APBB2: variants seen among roughly 807,000 people sequenced by gnomAD.
The protein encoded by APBB2 is Fe65-like 1.
A neutral mutation model predicts 82.5 loss-of-function variants in APBB2; 38 were observed. The ratio of observed to expected loss-of-function variants is 0.46; its 90% CI spans 0.36 to 0.60. The LOEUF (loss-of-function observed/expected upper bound fraction) is 0.60. Among genes scored for constraint, APBB2 ranks in the 20% least tolerant of loss-of-function variants. The pLI, the probability that APBB2 is intolerant of heterozygous loss-of-function variation, is 0.00. For missense variants in APBB2, 772 were observed against 972.3 expected (o/e 0.79, Z 2.74); for synonymous variants, 341 against 368.2 (o/e 0.93, Z 0.85).
chr4:41,156,808 G>C (rs1474962854), intron 1 of APBB2, among the ~76,000 whole-genome samples: 6 of 152,128 alleles, frequency 3.9e-5, no homozygotes, highest in African/African-American at 1.4e-4. Context: ...GCTCACGCCT[G>C]TAATCTCAGC....
At chr4:41,061,106 G>A (rs1390792053) in intron 4 of APBB2, among the ~76,000 whole-genome samples, 3 of 152,200 alleles carry the variant, frequency 2.0e-5, no homozygotes, top group Non-Finnish European at 4.4e-5. Context: ...AGTTAAGTTT[G>A]CAGGCAAAGA....
chr4:40,931,032 C>A (rs1784100800), intron 10 of APBB2, among the ~76,000 whole-genome samples: 1 of 152,164 alleles, frequency 6.6e-6, no homozygotes, highest in Non-Finnish European at 1.5e-5. Context: ...CAGGCATGAG[C>A]CACTGTGCCC....
chr4:40,999,882 G>T (rs936106782), intron 6 of APBB2, among the ~76,000 whole-genome samples: 24 of 151,904 alleles, frequency 1.6e-4, no homozygotes, highest in Admixed American at 9.2e-4. Context: ...CCTATTGTAA[G>T]AACTTATTTC....
At chr4:40,933,459 C>T (rs940264925) in intron 10 of APBB2, among the ~76,000 whole-genome samples, 2 of 152,146 alleles carry the variant, frequency 1.3e-5, no homozygotes, top group Non-Finnish European at 2.9e-5. Flanking sequence ...ATGCTAGGTG[C>T]CTGGACTGCG....
At chr4:40,906,392 G>A (rs967559606) in intron 10 of APBB2, among the ~76,000 whole-genome samples, 1 of 149,160 alleles carries the variant, frequency 6.7e-6, no homozygotes, top group Non-Finnish European at 1.5e-5. Flanking sequence ...TGGCTTGACT[G>A]GGAGGCAGAG....
chr4:41,205,338 A>T (rs906168413), intron 1 of APBB2, among the ~76,000 whole-genome samples: 4 of 152,200 alleles, frequency 2.6e-5, no homozygotes, highest in Admixed American at 6.5e-5. Flanking sequence ...TTTACAGAGA[A>T]GGGAGCTATG....
intron 17 of APBB2, among the ~76,000 whole-genome samples, chr4:40,819,715 C>T (rs890505577): frequency 6.6e-6 from 1 of 152,338 alleles, no homozygotes; most frequent in South Asian, 2.1e-4. Context: ...CCTTCAAGCT[C>T]CCCCTCACTG....
chr4:41,080,696 TCC>T (rs1435629454), intron 3 of APBB2, among the ~76,000 whole-genome samples: 51 of 122,006 alleles, frequency 4.2e-4, no homozygotes, highest in Admixed American at 1.7e-3. Flanking sequence ...ATGTAAATGC[TCC>T]TTTTTTTTTT....
intron 4 of APBB2, among the ~76,000 whole-genome samples, chr4:41,064,524 T>C (rs912075398): frequency 5.3e-5 from 8 of 152,090 alleles, no homozygotes; most frequent in African/African-American, 1.9e-4. Context: ...CAAATAAATA[T>C]CTATACAGCT....
rs79826091 is a variant in APBB2, at chr4:41,204,620, G to T, written c.-417+9785C>A. Reference sequence around the variant, plus strand: ...CCAGTAATACGTATCACATAGTACCGTCATTCATTCCTTAGCTGTCAGCCT... The same window carrying T: ...CCAGTAATACGTATCACATAGTACCTTCATTCATTCCTTAGCTGTCAGCCT... On this transcript the variant is annotated intron_variant, in intron 1 of 17. Coordinates refer to ENST00000508593, the MANE Select transcript of APBB2 (RefSeq NM_004307.2). 2.6e-5 allele frequency among the ~76,000 whole-genome samples: 4 copies of T among 152,270 alleles called. No homozygotes were observed. The South Asian group carries it at 8.3e-4, about 32-fold the overall frequency.
chr4:41,093,256 C>T (rs1320770549), intron 3 of APBB2, among the ~76,000 whole-genome samples: 1 of 152,204 alleles, frequency 6.6e-6, no homozygotes, highest in Non-Finnish European at 1.5e-5. Context: ...TAAACTACCT[C>T]CTTAGGGCTC....
At chr4:40,907,605 A>T (rs932920285) in intron 10 of APBB2, among the ~76,000 whole-genome samples, 3 of 149,876 alleles carry the variant, frequency 2.0e-5, no homozygotes, top group African/African-American at 7.4e-5. Flanking sequence ...TCCTGACCTC[A>T]GGTGATCTGC....
chr4:41,036,606 G>A (rs1317617862), intron 4 of APBB2, among the ~76,000 whole-genome samples: 12 of 152,122 alleles, frequency 7.9e-5, no homozygotes, highest in Non-Finnish European at 1.5e-5. Context: ...ATAAGTTCTG[G>A]AGGAAAATAA....
intron 6 of APBB2, among the ~76,000 whole-genome samples, chr4:41,001,578 A>G (rs1049425426): frequency 2.0e-5 from 3 of 152,168 alleles, no homozygotes; most frequent in Non-Finnish European, 2.9e-5. Flanking sequence ...AGTCTATGAA[A>G]AGCTCAAGAA....
chr4:41,192,793 G>A (rs1006685466), intron 1 of APBB2, among the ~76,000 whole-genome samples: 2 of 152,114 alleles, frequency 1.3e-5, no homozygotes, highest in African/African-American at 4.8e-5. Flanking sequence ...AAAAAAAATG[G>A]GGAACTGTGA....
intron 12 of APBB2, among the ~76,000 whole-genome samples, chr4:40,835,856 T>C (rs1381243036): frequency 2.0e-5 from 3 of 152,030 alleles, no homozygotes; most frequent in Admixed American, 6.5e-5. Context: ...GGAAGAGGTG[T>C]TGGAAGGATA....
Position 40,923,234 on chromosome 4 carries a change from C to G in APBB2, c.1254+11222G>C, listed in dbSNP as rs544374220. The stretch of plus-strand genomic sequence containing the variant: ...TTGTGATCCGCCCGCCTCGGCCTCC[C>G]AAAGTGCTGGGATTACAGGCGTGAG... On this transcript the variant is annotated intron_variant, in intron 10 of 17. Transcript: ENST00000508593. 2.3e-4 allele frequency among the ~76,000 whole-genome samples: 35 copies of G among 152,340 alleles called. No homozygotes were observed. In the East Asian group the frequency reaches 6.6e-3, roughly 29 times the overall value.
intron 10 of APBB2, among the ~76,000 whole-genome samples, chr4:40,907,837 G>A (rs968948859): frequency 6.6e-6 from 1 of 151,260 alleles, no homozygotes; most frequent in African/African-American, 2.4e-5. Context: ...AAAAAAAGGT[G>A]GGTTTTTTTT....
chr4:41,068,827 C>A (rs1472835180), intron 3 of APBB2, among the ~76,000 whole-genome samples: 1 of 120,822 alleles, frequency 8.3e-6, no homozygotes, highest in Non-Finnish European at 1.6e-5. Flanking sequence ...GATGGAGTCT[C>A]GCTCTGTTGC....
Sources: gnomAD v4.1 joint callset for allele counts (sites outside exome capture counted in the v4.1 genomes callset) on GRCh38, gnomAD v4.1.1 for gene constraint, MANE v1.5 for transcripts, NCBI Gene and HGNC (gene_info 2026-07-23, HGNC 2026-07-21) for gene names.